Variants in WNK2 observed in about 807,000 individuals in gnomAD.
The protein encoded by WNK2 is WNK lysine deficient protein kinase 2.
Under a neutral mutation model 192.1 loss-of-function variants are expected in WNK2, and 67 were observed. That is an observed-to-expected ratio of 0.35 (90% CI 0.29 to 0.43). The LOEUF (loss-of-function observed/expected upper bound fraction) is 0.43, where lower values mean the gene tolerates loss of function less well. Among genes scored for constraint, WNK2 ranks in the 20% least tolerant of loss-of-function variants. The probability of loss-of-function intolerance (pLI) is 1.00; values close to 1 mark genes in which losing one functional copy is unlikely to be tolerated. For synonymous variants in WNK2, 1,439 were observed against 1,393.9 expected (o/e 1.03, Z -0.72); for missense variants, 2,698 against 3,089.7 (o/e 0.87, Z 3.01).
Position 93,257,817 on chromosome 9 carries a change from C to G in WNK2, c.2382+678C>G, listed in dbSNP as rs1290443913. ...TGCTGTCTTTCTCTGGGTACACTGTCTTTCACTCGAGGGACCTGACTGCAT... is the reference window on the plus strand; with the variant it reads ...TGCTGTCTTTCTCTGGGTACACTGTGTTTCACTCGAGGGACCTGACTGCAT... On this transcript the variant is annotated intron_variant, in intron 11 of 29. Coordinates refer to ENST00000427277, the MANE Select transcript of WNK2 (RefSeq NM_006648.4). This position sits in a 1 kb window ranked among gnomAD's most constrained non-coding sequence, Gnocchi z 4.7. Among the ~76,000 whole-genome samples, 1 of 152,220 alleles carries G rather than the reference C, an allele frequency of 6.6e-6. No individual in the cohort carries two copies. The highest frequency in any genetic ancestry group is 2.4e-5 in the African/African-American group (1 of 41,448).
At chr9:93,225,407 A>G (rs552822579) in intron 2 of WNK2, among the ~76,000 whole-genome samples, 25 of 152,216 alleles carry the variant, frequency 1.6e-4, no homozygotes, top group African/African-American at 5.3e-4. Flanking sequence ...CCTACTGTAA[A>G]AATTACCAAG....
chr9:93,317,221 C>T (rs1398615938), intron 28 of WNK2: 14 of 519,290 alleles, frequency 2.7e-5, no homozygotes, highest in South Asian at 8.4e-5. Context: ...GTCACTCATG[C>T]GCCCTCAGGG....
chr9:93,268,476 G>A, intron 18 of WNK2, 151 bp from the exon 19 acceptor site: 2 of 1,256,750 alleles, frequency 1.6e-6, no homozygotes, highest in Non-Finnish European at 2.2e-6. Flanking sequence ...TGGGAACAGT[G>A]TTCTCTGCCC....
At chr9:93,188,046 C>T (rs554263400) in intron 2 of WNK2, among the ~76,000 whole-genome samples, 1 of 152,212 alleles carries the variant, frequency 6.6e-6, no homozygotes, top group South Asian at 2.1e-4. Flanking sequence ...TGACCGCTAG[C>T]ATTCTGGGCA....
At chr9:93,209,260 G>A (rs913349109) in intron 2 of WNK2, among the ~76,000 whole-genome samples, 1 of 152,128 alleles carries the variant, frequency 6.6e-6, no homozygotes. Context: ...TACGCCACAG[G>A]ACAGGCCTGT....
In WNK2 at chr9:93,297,849, G is replaced by T; in HGVS notation, c.5709-4G>T. On this transcript the variant is annotated splice_polypyrimidine_tract_variant and splice_region_variant and intron_variant, in intron 23 of 29. Transcript: ENST00000427277. The stretch of plus-strand genomic sequence containing the variant: ...TCGGCGCTCCCTCCTGTCCCCTCCT[G>T]CAGGCACCTGAAGGAGATCTCGGAG... The T allele has an allele frequency of 6.4e-7, 1 of 1,573,258 alleles. No individual in the cohort carries two copies. Among genetic ancestry groups the T allele is most frequent in the Non-Finnish European group, 8.6e-7 (1 of 1,160,910 alleles).
At chr9:93,319,125 T>G (rs1855204622) in intron 29 of WNK2, 2 of 1,614,050 alleles carry the variant, frequency 1.2e-6, no homozygotes, top group Non-Finnish European at 1.7e-6. Context: ...TGTGAATCCC[T>G]TCCTTGTACA....
intron 2 of WNK2, among the ~76,000 whole-genome samples, chr9:93,202,323 C>T (rs1337758722): frequency 4.1e-5 from 4 of 98,708 alleles, no homozygotes; most frequent in African/African-American, 1.3e-4. Context: ...GCTCCGTGTG[C>T]ACGTGTGTGT....
chr9:93,313,157 G>A (rs1853978769), intron 28 of WNK2, among the ~76,000 whole-genome samples: 1 of 152,140 alleles, frequency 6.6e-6, no homozygotes, highest in Non-Finnish European at 1.5e-5. Context: ...GCACATTTAA[G>A]ACAGTCGGTT....
chr9:93,272,164 AC>A (rs2133331947), intron 19 of WNK2, among the ~76,000 whole-genome samples: 2 of 152,354 alleles, frequency 1.3e-5, no homozygotes, highest in South Asian at 2.1e-4. Flanking sequence ...CTAGAAGATA[AC>A]CTGGAACATC....
At chr9:93,205,607 G>T (rs1833219409) in intron 2 of WNK2, among the ~76,000 whole-genome samples, 1 of 152,252 alleles carries the variant, frequency 6.6e-6, no homozygotes, top group Admixed American at 6.5e-5. Context: ...AGCAACAGTT[G>T]CTGCTGTGGA....
At chr9:93,265,802 C>T (rs1036022724) in intron 16 of WNK2, among the ~76,000 whole-genome samples, 12 of 152,240 alleles carry the variant, frequency 7.9e-5, no homozygotes, top group Admixed American at 5.9e-4. Flanking sequence ...CAGCCTGTGT[C>T]GTGTCCACTG....
intron 23 of WNK2, among the ~76,000 whole-genome samples, chr9:93,294,774 T>G (rs1588501530): frequency 6.7e-6 from 1 of 150,194 alleles, no homozygotes; most frequent in Non-Finnish European, 1.5e-5. Context: ...GCAGGTGGGG[T>G]CTAGGGAAAG....
intron 7 of WNK2, among the ~76,000 whole-genome samples, chr9:93,241,716 CGT>C (rs1418797769): frequency 6.6e-6 from 1 of 152,122 alleles, no homozygotes; most frequent in Non-Finnish European, 1.5e-5. Flanking sequence ...CAGTGAGCTG[CGT>C]GTTTGTCACA....
Position 93,261,869 on chromosome 9 carries a change from C to T in WNK2, c.3122C>T (p.Thr1041Ile). 3.1e-6 allele frequency: 5 copies of T among 1,600,732 alleles called. No individual in the cohort carries two copies. Among genetic ancestry groups the T allele is most frequent in the Non-Finnish European group, 4.2e-6 (5 of 1,179,502 alleles). Reference sequence around the variant, plus strand: ...GTGGACGTCGCCGCTCAGGTCCCCACCGTGCCTGTGCCACCGGCTGCGGTC... The same window carrying T: ...GTGGACGTCGCCGCTCAGGTCCCCATCGTGCCTGTGCCACCGGCTGCGGTC... ...YAVDVAAQVP[T>I]VPVPPAAVLS... Residue 1041 changes from threonine to isoleucine, a missense_variant, in exon 13 of 30, where the codon ACC (threonine) becomes ATC (isoleucine). Coordinates refer to ENST00000427277, the MANE Select transcript of WNK2 (RefSeq NM_006648.4).
At chr9:93,263,489 G>A (rs6479467) in intron 14 of WNK2, 77 bp from the exon 15 acceptor site, 1,481,399 of 1,549,960 alleles carry the variant, frequency 0.96, 708,316 homozygotes, top group African/African-American at 0.99. Context: ...GACTGTTCCA[G>A]ATAAGCTGAC....
rs1284112905 is a variant in WNK2 at position 93,297,965 on chromosome 9, C to T, written c.5821C>T (p.Pro1941Ser). 1 of 1,575,348 alleles carries T rather than the reference C, an allele frequency of 6.3e-7. No homozygotes were observed. Reference sequence around the variant, plus strand: ...CAACGTGGGCTTCTTCCACACGGCACCCCCCACTGGCCGCCGGAGAAAAAC... The same window carrying T: ...CAACGTGGGCTTCTTCCACACGGCATCCCCCACTGGCCGCCGGAGAAAAAC... ...PPNVGFFHTAPPTGRRRKTSK... is the reference protein window; with the variant it reads ...PPNVGFFHTASPTGRRRKTSK... The change falls in exon 24 of 30, where the codon CCC (proline) becomes TCC (serine). Residue 1941 changes from proline (P) to serine (S), a missense_variant. Pro to Ser is a moderately conservative substitution (Grantham distance 74). This residue lies in a region of WNK2 where 1,098 missense variants were observed against 1,101.0 expected (regional missense o/e 1.00). Coordinates refer to ENST00000427277, the MANE Select transcript of WNK2 (RefSeq NM_006648.4).
chr9:93,294,970 G>T (rs902679246), intron 23 of WNK2, among the ~76,000 whole-genome samples: 2 of 152,208 alleles, frequency 1.3e-5, no homozygotes, highest in Non-Finnish European at 2.9e-5. Context: ...GTAGCCAGCA[G>T]CTCCCCAACC....
At chr9:93,193,488 C>G (rs961181259) in intron 2 of WNK2, among the ~76,000 whole-genome samples, 1 of 152,218 alleles carries the variant, frequency 6.6e-6, no homozygotes, top group African/African-American at 2.4e-5. Flanking sequence ...GGCTGGTTCC[C>G]GAGGCTGCCT....
Sources: gnomAD v4.1 joint callset for allele counts (sites outside exome capture counted in the v4.1 genomes callset) on GRCh38, gnomAD v4.1.1 for gene constraint, gnomAD v4.1.1 regional missense constraint, Gnocchi (gnomAD v3.1) non-coding constraint, MANE v1.5 for transcripts, NCBI Gene and HGNC (gene_info 2026-07-23, HGNC 2026-07-21) for gene names.